Variants in APTX observed in about 807,000 individuals in gnomAD.
The protein encoded by APTX is aprataxin.
A neutral mutation model predicts 42.3 loss-of-function variants in APTX; 33 were observed. The observed-to-expected ratio is 0.78, with a 90% confidence interval of 0.59 to 1.04. The LOEUF (loss-of-function observed/expected upper bound fraction) is 1.04. Ranked by LOEUF, APTX falls within the 50% of genes least tolerant of loss-of-function variation. APTX has a pLI of 0.00. For missense variants in APTX, 421 were observed against 415.1 expected, an observed-to-expected ratio of 1.01 and a Z score of -0.12; for synonymous variants, 130 against 146.7, an observed-to-expected ratio of 0.89 and a Z score of 0.82.
chr9:32,987,882 T>C lies in APTX; in HGVS notation c.181-36A>G, dbSNP rs781273840. On this transcript the variant is annotated intron_variant, in intron 3 of 7. Coordinates refer to ENST00000379817, the MANE Select transcript of APTX (RefSeq NM_001195248.2). ...AACAATCAGAAAATAATTATAATAA[T>C]AGCAACAGCACCTACAGTAAGATAG... 2.5e-6 allele frequency: 4 copies of C among 1,606,530 alleles called. No individual in the cohort carries two copies. The South Asian group carries it at 4.4e-5, about 18-fold the overall frequency.
intron 1 of APTX, among the ~76,000 whole-genome samples, chr9:33,021,666 A>C (rs56337323): frequency 3.9e-5 from 6 of 151,960 alleles, no homozygotes; most frequent in African/African-American, 7.2e-5. Context: ...CTGCACATAC[A>C]AAAAAAAGGT....
At chr9:33,024,892 G>C (rs1204151077) in intron 1 of APTX, 1 of 126,172 alleles carries the variant, frequency 7.9e-6, no homozygotes, top group Non-Finnish European at 1.6e-5. Context: ...ACTGTTCCAA[G>C]AGCTTTCCCG....
At position 32,973,449 on chromosome 9, in the gene APTX, A is replaced by C. The variant is rs377690852; in HGVS notation, c.*49T>G. ...CAAGCAACCCAGAATAGGTGCCAGC[A>C]GTTTGCTCCAGTGGGCCACACCACA... On this transcript the variant is annotated 3_prime_UTR_variant, in exon 8 of 8. Coordinates refer to ENST00000379817, the MANE Select transcript of APTX (RefSeq NM_001195248.2). 3.8e-6 allele frequency: 6 copies of C among 1,597,922 alleles called. No homozygotes were observed. The African/African-American group carries it at 8.0e-5, about 21-fold the overall frequency.
intron 6 of APTX, among the ~76,000 whole-genome samples, 174 bp from the exon 7 acceptor site, chr9:32,974,735 A>G (rs562256516): frequency 1.3e-5 from 2 of 152,336 alleles, no homozygotes; most frequent in African/African-American, 4.8e-5. Context: ...CATTTACTTA[A>G]GAATATTTAA....
intron 1 of APTX, among the ~76,000 whole-genome samples, chr9:32,996,732 T>C (rs1835037547): frequency 1.3e-5 from 2 of 152,266 alleles, no homozygotes; most frequent in South Asian, 4.1e-4. Context: ...GTTCTCTGAC[T>C]GTTTAATGTG....
chr9:32,975,778 G>C (rs1829237312), intron 6 of APTX, among the ~76,000 whole-genome samples: 2 of 152,214 alleles, frequency 1.3e-5, no homozygotes, highest in African/African-American at 4.8e-5. Context: ...TGACAAAGTA[G>C]AGGTCGGCTG....
At position 32,972,862 on chromosome 9, in the gene APTX, G is replaced by A. The variant is rs530692252; in HGVS notation, c.*636C>T. On this transcript the variant is annotated 3_prime_UTR_variant, in exon 8 of 8. Coordinates refer to ENST00000379817, the MANE Select transcript of APTX (RefSeq NM_001195248.2). ...TGTTTCCTCACAGCCAGGAACCCTC[G>A]GTATTAGAAGAAAACTCCAACCCCC... 4.3e-4 allele frequency: 195 copies of A among 453,892 alleles called. No homozygotes were observed. The highest frequency in any genetic ancestry group is 7.5e-4 in the Non-Finnish European group (170 of 226,792). 28.1% of individuals were successfully genotyped at this position (453,892 alleles called of 1,614,324 possible).
At chr9:33,019,307 GAGA>G (rs1838168534) in intron 1 of APTX, among the ~76,000 whole-genome samples, 1 of 152,114 alleles carries the variant, frequency 6.6e-6, no homozygotes, top group East Asian at 1.9e-4. Flanking sequence ...GTAGTCAGAA[GAGA>G]AGAACCACAA....
chr9:32,979,522 T>C (rs976573338), intron 6 of APTX: 1 of 153,960 alleles, frequency 6.5e-6, no homozygotes, highest in African/African-American at 2.4e-5. Flanking sequence ...TCTAATTTCT[T>C]AATAGTCCAG....
intron 1 of APTX, among the ~76,000 whole-genome samples, chr9:33,015,276 T>C (rs1479549097): frequency 6.6e-6 from 1 of 152,254 alleles, no homozygotes; most frequent in African/African-American, 2.4e-5. Context: ...CACTGCGTGA[T>C]GTGGGAACAC....
At chr9:33,024,221 T>C (rs1838650674) in intron 1 of APTX, among the ~76,000 whole-genome samples, 2 of 152,204 alleles carry the variant, frequency 1.3e-5, no homozygotes, top group African/African-American at 4.8e-5. Flanking sequence ...CCATGTTGCT[T>C]GGGCTGGTAT....
rs181929854 is a variant in APTX, at chr9:32,977,421, C to G, written c.771-2860G>C. On this transcript the variant is annotated intron_variant, in intron 6 of 7. Coordinates refer to ENST00000379817, the MANE Select transcript of APTX (RefSeq NM_001195248.2). ...ATACCTGGAGCCGAGGAGTTCAAGG[C>G]CGCAGTGAGCTATGATCTTGACACT... Among the ~76,000 whole-genome samples, 414 of 152,240 alleles carry G rather than the reference C, an allele frequency of 2.7e-3. 2 individuals are homozygous for G. Among genetic ancestry groups the G allele is most frequent in the African/African-American group, 9.5e-3 (396 of 41,550 alleles).
chr9:32,973,659 G>A lies in APTX; in HGVS notation c.875-7C>T. 6.2e-7 allele frequency: 1 copy of A among 1,612,352 alleles called. No individual in the cohort carries two copies. The highest frequency in any genetic ancestry group is 8.5e-7 in the Non-Finnish European group (1 of 1,179,848). ...TGTACCATCTCGATCACAGCTGCAG[G>A]CAAGGAAGAAAAGTCAAATCCCAGC... On this transcript the variant is annotated splice_region_variant and splice_polypyrimidine_tract_variant and intron_variant, in intron 7 of 7. Transcript: ENST00000379817.
At chr9:33,001,792 C>T (rs548492698), upstream of APTX, among the ~76,000 whole-genome samples, 2 of 152,152 alleles carry the variant, frequency 1.3e-5, no homozygotes, top group South Asian at 2.1e-4. Flanking sequence ...GGAAGTTATG[C>T]CTGTGGGGAC....
chr9:32,986,272 C>T (rs554032552), intron 4 of APTX: 877 of 599,416 alleles, frequency 1.5e-3, no homozygotes, highest in Admixed American at 1.9e-3. Flanking sequence ...TGGAGTGCAG[C>T]GGCGTGATCA....
At chr9:33,004,701 C>T (rs1398573207), upstream of APTX, among the ~76,000 whole-genome samples, 3 of 146,654 alleles carry the variant, frequency 2.0e-5, no homozygotes, top group Admixed American at 7.0e-5. Context: ...GGTGCAATCT[C>T]GGCTCCCTGC....
chr9:32,977,884 G>T (rs536528200), intron 6 of APTX, among the ~76,000 whole-genome samples: 2 of 152,174 alleles, frequency 1.3e-5, no homozygotes, highest in Admixed American at 1.3e-4. Flanking sequence ...TTATCATATG[G>T]TCTCTGATAT....
At chr9:32,998,553 A>C (rs1484004870) in intron 1 of APTX, among the ~76,000 whole-genome samples, 1 of 152,242 alleles carries the variant, frequency 6.6e-6, no homozygotes, top group Non-Finnish European at 1.5e-5. Flanking sequence ...AAAAAGAATG[A>C]GTTCATGTCC....
chr9:32,991,738 T>C (rs1016442200), intron 1 of APTX, among the ~76,000 whole-genome samples: 2 of 150,886 alleles, frequency 1.3e-5, no homozygotes, highest in South Asian at 4.2e-4. Context: ...GATCGCACCA[T>C]TGTATTCCAG....
Sources: gnomAD v4.1 joint callset for allele counts (sites outside exome capture counted in the v4.1 genomes callset) on GRCh38, gnomAD v4.1.1 for gene constraint, MANE v1.5 for transcripts, NCBI Gene and HGNC (gene_info 2026-07-23, HGNC 2026-07-21) for gene names.